Variants in CALN1 observed in about 807,000 individuals in gnomAD.
CALN1 encodes calcium-binding protein 8.
In CALN1, 17 loss-of-function variants were observed where a neutral mutation model predicts 30.6. The ratio of observed to expected loss-of-function variants is 0.56; its 90% CI spans 0.38 to 0.83. The LOEUF (loss-of-function observed/expected upper bound fraction) is 0.83. Among genes scored for constraint, CALN1 ranks in the 40% least tolerant of loss-of-function variants. The pLI is 0.00. For missense variants in CALN1, 291 were observed against 354.9 expected, an observed-to-expected ratio of 0.82 and a Z score of 1.45; for synonymous variants, 156 against 131.4, an observed-to-expected ratio of 1.19 and a Z score of -1.28.
At chr7:71,842,981 A>C (rs1362291186) in intron 5 of CALN1, among the ~76,000 whole-genome samples, 1 of 152,030 alleles carries the variant, frequency 6.6e-6, no homozygotes, top group African/African-American at 2.4e-5. Context: ...AAAATCCTAG[A>C]CCTCCAGCAT....
chr7:71,927,882 T>TCTTC (rs1286064776), intron 5 of CALN1, among the ~76,000 whole-genome samples: 1 of 152,204 alleles, frequency 6.6e-6, no homozygotes. Context: ...AGTTTCTTGC[T>TCTTC]CTTCCCCCAG....
At chr7:72,191,472 C>T (rs1341179728) in intron 3 of CALN1, among the ~76,000 whole-genome samples, 2 of 138,828 alleles carry the variant, frequency 1.4e-5, no homozygotes, top group Admixed American at 7.8e-5. Context: ...TGTGGTGGCA[C>T]ATGCCTATAA....
At chr7:71,852,075 T>A (rs1338354292) in intron 5 of CALN1, among the ~76,000 whole-genome samples, 2 of 152,290 alleles carry the variant, frequency 1.3e-5, no homozygotes, top group East Asian at 3.9e-4. Flanking sequence ...GGTGGAATGG[T>A]TTCGATATTC....
chr7:72,316,143 T>C (rs952539979), intron 2 of CALN1, among the ~76,000 whole-genome samples: 4 of 116,504 alleles, frequency 3.4e-5, no homozygotes, highest in Non-Finnish European at 7.5e-5. Context: ...AGATTATGTC[T>C]TTAAAAAAAA....
At chr7:72,269,064 A>C (rs1401130355) in intron 3 of CALN1, among the ~76,000 whole-genome samples, 1 of 152,144 alleles carries the variant, frequency 6.6e-6, no homozygotes. Flanking sequence ...ACCACAATTC[A>C]CGTAGTAGCT....
At chr7:72,092,873 G>A (rs1371270164) in intron 4 of CALN1, among the ~76,000 whole-genome samples, 1 of 152,148 alleles carries the variant, frequency 6.6e-6, no homozygotes, top group African/African-American at 2.4e-5. Flanking sequence ...AGCTAACATG[G>A]AAGGAGAGAC....
chr7:72,256,317 G>A (rs771619098), intron 3 of CALN1, among the ~76,000 whole-genome samples: 15 of 152,096 alleles, frequency 9.9e-5, no homozygotes, highest in South Asian at 4.2e-4. Context: ...AAAATTAGCC[G>A]GGTGTTGTGA....
chr7:71,938,240 G>A (rs1337458063), intron 5 of CALN1, among the ~76,000 whole-genome samples: 4 of 152,188 alleles, frequency 2.6e-5, no homozygotes, highest in African/African-American at 7.2e-5. Context: ...AAGACAGTGA[G>A]AAAGTTGTGA....
chr7:72,438,968 G>A (rs1466092515), intron 1 of CALN1, among the ~76,000 whole-genome samples: 2 of 152,136 alleles, frequency 1.3e-5, no homozygotes, highest in African/African-American at 4.8e-5. Context: ...AAATACAGTT[G>A]AACCTCAAAC....
chr7:72,368,424 T>TAGAAATGGG (rs1804012443), intron 2 of CALN1, among the ~76,000 whole-genome samples: 1 of 151,984 alleles, frequency 6.6e-6, no homozygotes, highest in South Asian at 2.1e-4. Context: ...TGGTGCCACA[T>TAGAAATGGG]AGAAATGGGA....
At chr7:72,369,856 A>AATG (rs1804115230) in intron 2 of CALN1, among the ~76,000 whole-genome samples, 1 of 152,190 alleles carries the variant, frequency 6.6e-6, no homozygotes, top group East Asian at 1.9e-4. Context: ...CAATTTGTTA[A>AATG]TCCACTAACC....
intron 5 of CALN1, among the ~76,000 whole-genome samples, chr7:71,968,883 A>ATT (rs112347759): frequency 1.5e-5 from 2 of 137,006 alleles, no homozygotes; most frequent in African/African-American, 5.9e-5. Flanking sequence ...CACCTCTACA[A>ATT]TTTTTTTTTT....
At chr7:72,195,921 G>C (rs765415772) in intron 3 of CALN1, among the ~76,000 whole-genome samples, 5 of 152,178 alleles carry the variant, frequency 3.3e-5, no homozygotes, top group Non-Finnish European at 7.3e-5. Flanking sequence ...ATGAGGTACT[G>C]ATACATGCTA....
intron 2 of CALN1, among the ~76,000 whole-genome samples, chr7:72,308,375 G>A (rs1585432368): frequency 3.3e-5 from 1 of 29,886 alleles, no homozygotes; most frequent in African/African-American, 1.2e-4. Context: ...GGGGGGGGGA[G>A]AGAGAGAGAG....
chr7:72,310,300 G>T (rs1186284108), intron 2 of CALN1, among the ~76,000 whole-genome samples: 4 of 150,994 alleles, frequency 2.6e-5, no homozygotes. Flanking sequence ...TTGAGCCATT[G>T]TGAGGGTTAA....
At chr7:72,024,097 A>G (rs1193646985) in intron 4 of CALN1, among the ~76,000 whole-genome samples, 1 of 152,164 alleles carries the variant, frequency 6.6e-6, no homozygotes, top group East Asian at 1.9e-4. Context: ...TACATGATGG[A>G]AGTGGCAGCT....
At chr7:72,066,005 T>C (rs950669577) in intron 4 of CALN1, among the ~76,000 whole-genome samples, 1 of 152,272 alleles carries the variant, frequency 6.6e-6, no homozygotes, top group Non-Finnish European at 1.5e-5. Flanking sequence ...ATTCGCATTA[T>C]TGATAGTCCC....
At chr7:71,908,366 T>C (rs1471220831) in intron 5 of CALN1, among the ~76,000 whole-genome samples, 1 of 152,170 alleles carries the variant, frequency 6.6e-6, no homozygotes, top group Non-Finnish European at 1.5e-5. Flanking sequence ...TTAGGCTCAA[T>C]TGCAAAACCT....
chr7:72,232,647 A>C (rs1794192839), intron 3 of CALN1, among the ~76,000 whole-genome samples: 1 of 152,150 alleles, frequency 6.6e-6, no homozygotes, highest in Admixed American at 6.5e-5. Flanking sequence ...TTTAGTACAG[A>C]CAGGGTTTCG....
Sources: allele counts gnomAD v4.1 joint callset (sites outside exome capture counted in the v4.1 genomes callset), GRCh38; gene constraint gnomAD v4.1.1; transcripts MANE v1.5; gene names NCBI Gene and HGNC (gene_info 2026-07-23, HGNC 2026-07-21).